DCT: variants seen among roughly 807,000 people sequenced by gnomAD.
DCT encodes the protein L-dopachrome tautomerase.
DCT carries 47 observed loss-of-function variants against 53.0 expected under a neutral mutation model. The ratio of observed to expected loss-of-function variants is 0.89; its 90% CI spans 0.70 to 1.13. The LOEUF (loss-of-function observed/expected upper bound fraction) is 1.13, where lower values mean the gene tolerates loss of function less well. Ranked by LOEUF, DCT falls within the 50% of genes most tolerant of loss-of-function variation. The pLI is 0.00. For missense variants in DCT, 669 were observed against 637.4 expected, an observed-to-expected ratio of 1.05 and a Z score of -0.53; for synonymous variants, 244 against 237.0, an observed-to-expected ratio of 1.03 and a Z score of -0.27.
the DCT span, among the ~76,000 whole-genome samples, chr13:94,514,151 G>A: frequency 6.6e-6 from 1 of 152,144 alleles, no homozygotes. Context: ...TCGACACTTA[G>A]CTCTAAGACC....
chr13:94,533,935 A>G, the DCT span, among the ~76,000 whole-genome samples: 33 of 152,328 alleles, frequency 2.2e-4, no homozygotes, highest in Admixed American at 2.0e-3. Flanking sequence ...TAAAACATGT[A>G]ACTGTTCATT....
chr13:94,491,995 C>A, the DCT span, among the ~76,000 whole-genome samples: 2 of 152,158 alleles, frequency 1.3e-5, no homozygotes, highest in Non-Finnish European at 2.9e-5. Flanking sequence ...GACCATGGAG[C>A]CTCAGCATCC....
At chr13:94,529,303 A>G in the DCT span, among the ~76,000 whole-genome samples, 1 of 152,228 alleles carries the variant, frequency 6.6e-6, no homozygotes. Flanking sequence ...ATAAACATCT[A>G]CAGAACTCTC....
intron 1 of DCT, among the ~76,000 whole-genome samples, chr13:94,472,560 ATATATATATTTTTTTTTTTTTTTTTTT>A: frequency 9.9e-5 from 2 of 20,274 alleles, no homozygotes; most frequent in Non-Finnish European, 1.6e-4. Flanking sequence ...ATATATATAT[ATATATATATTTTTTTTTTTTTTTTTTT>A]TTTTTTTTTT....
chr13:94,497,638 G>A, the DCT span, among the ~76,000 whole-genome samples: 1 of 152,100 alleles, frequency 6.6e-6, no homozygotes, highest in African/African-American at 2.4e-5. Flanking sequence ...TACTAATTAA[G>A]TGTAAGTGGG....
At chr13:94,530,098 G>A in the DCT span, among the ~76,000 whole-genome samples, 35 of 152,146 alleles carry the variant, frequency 2.3e-4, no homozygotes, top group African/African-American at 8.0e-4. Context: ...TTGAATCTCT[G>A]AATAGACCTC....
chr13:94,466,021 T>C (rs1884195893), intron 3 of DCT, among the ~76,000 whole-genome samples: 1 of 99,354 alleles, frequency 1.0e-5, no homozygotes, highest in African/African-American at 4.2e-5. Context: ...TATATATATA[T>C]ATACTGTGTA....
chr13:94,449,944 C>T (rs1026207657), intron 6 of DCT, among the ~76,000 whole-genome samples: 5 of 152,186 alleles, frequency 3.3e-5, no homozygotes, highest in Non-Finnish European at 7.3e-5. Flanking sequence ...AAACAATCTC[C>T]TATGGACTCA....
the DCT span, among the ~76,000 whole-genome samples, chr13:94,515,211 C>A: frequency 1.6e-4 from 25 of 152,260 alleles, no homozygotes; most frequent in South Asian, 4.1e-4. Flanking sequence ...GTTTATAAGC[C>A]TCCTAGTCTA....
chr13:94,469,090 GT>G, intron 1 of DCT, 45 bp from the exon 2 acceptor site: 1 of 1,502,768 alleles, frequency 6.7e-7, no homozygotes. Flanking sequence ...GGTTTATGTC[GT>G]TTGGAAGAAA....
At chr13:94,547,984 A>AAAAAAATATATATATATATAT in the DCT span, among the ~76,000 whole-genome samples, 1 of 65,844 alleles carries the variant, frequency 1.5e-5, no homozygotes, top group African/African-American at 1.3e-4. Flanking sequence ...AAAAAAAAAA[A>AAAAAAATATATATATATATAT]ATATATATAT....
chr13:94,505,631 G>C, the DCT span, among the ~76,000 whole-genome samples: 2 of 152,216 alleles, frequency 1.3e-5, no homozygotes, highest in Non-Finnish European at 2.9e-5. Context: ...TACATAATCA[G>C]AGTTGAAAGA....
chr13:94,531,158 A>G, the DCT span, among the ~76,000 whole-genome samples: 3 of 152,248 alleles, frequency 2.0e-5, no homozygotes, highest in Non-Finnish European at 4.4e-5. Flanking sequence ...AACAAATGGA[A>G]GAACATTCCA....
At chr13:94,523,995 G>T in the DCT span, among the ~76,000 whole-genome samples, 4 of 151,832 alleles carry the variant, frequency 2.6e-5, no homozygotes, top group Non-Finnish European at 4.4e-5. Context: ...CTTTGGGAGA[G>T]AAAGAAGAAA....
chr13:94,474,203 A>G (rs372448512), intron 1 of DCT, among the ~76,000 whole-genome samples: 101 of 152,102 alleles, frequency 6.6e-4, no homozygotes, highest in African/African-American at 2.4e-3. Flanking sequence ...CCTTCAGTGA[A>G]AATTAAATTT....
the DCT span, among the ~76,000 whole-genome samples, chr13:94,522,248 G>C: frequency 6.6e-6 from 1 of 152,172 alleles, no homozygotes; most frequent in African/African-American, 2.4e-5. Context: ...CTTAATCTGA[G>C]TGGGCACAAT....
At chr13:94,467,770 G>C (rs530263466) in intron 2 of DCT, 5 of 152,294 alleles carry the variant, frequency 3.3e-5, no homozygotes, top group Non-Finnish European at 7.4e-5. Context: ...GGATGAACCT[G>C]TCCAAATCAG....
At chr13:94,525,893 G>A in the DCT span, among the ~76,000 whole-genome samples, 2 of 152,184 alleles carry the variant, frequency 1.3e-5, no homozygotes, top group Non-Finnish European at 2.9e-5. Flanking sequence ...GTTTGCTTCT[G>A]CTAGATGACC....
Position 94,477,785 on chromosome 13 carries a change from TGAGAA to T in DCT, c.295+1171_295+1175del, listed in dbSNP as rs150209778. The stretch of plus-strand genomic sequence containing the variant: ...TATCCTCCTATGTTCCAGCATCCTA[TGAGAA>T]GAGAAGTAAAAAGTATTTTTAAAAG... On this transcript the variant is annotated intron_variant, in intron 1 of 7. Coordinates refer to ENST00000377028, the MANE Select transcript of DCT (RefSeq NM_001922.5). Among the ~76,000 whole-genome samples, 56 of 152,298 alleles carry T rather than the reference TGAGAA, an allele frequency of 3.7e-4. 5 individuals carry two copies. The East Asian group carries it at 0.011, about 29-fold the overall frequency.
Sources: allele counts gnomAD v4.1 joint callset (sites outside exome capture counted in the v4.1 genomes callset), GRCh38; gene constraint gnomAD v4.1.1; transcripts MANE v1.5; gene names NCBI Gene and HGNC (gene_info 2026-07-23, HGNC 2026-07-21).